Variants in PCDHGA1 observed in about 807,000 individuals in gnomAD.
The protein encoded by PCDHGA1 is protocadherin gamma-A1.
A neutral mutation model predicts 58.0 loss-of-function variants in PCDHGA1; 32 were observed. That is an observed-to-expected ratio of 0.55 (90% confidence interval 0.42 to 0.74). The LOEUF (loss-of-function observed/expected upper bound fraction) is 0.74, where lower values mean the gene tolerates loss of function less well. Among genes scored for constraint, PCDHGA1 ranks in the 30% least tolerant of loss-of-function variants. The pLI is 0.00. For synonymous variants in PCDHGA1, 498 were observed against 501.1 expected (o/e 0.99, Z 0.08); for missense variants, 1,205 against 1,182.3 (o/e 1.02, Z -0.28).
intron 1 of PCDHGA1, among the ~76,000 whole-genome samples, chr5:141,373,754 ATAT>A (rs1224910859): frequency 6.6e-6 from 1 of 152,230 alleles, no homozygotes; most frequent in Non-Finnish European, 1.5e-5. Context: ...GGGGAGGGAA[ATAT>A]TATGAGTGTC....
chr5:141,354,985 C>A (rs949539037), intron 1 of PCDHGA1: 5 of 604,640 alleles, frequency 8.3e-6, no homozygotes, highest in Non-Finnish European at 1.3e-5. Flanking sequence ...TCGCTGTTCA[C>A]CAATCAGGGG....
intron 1 of PCDHGA1, among the ~76,000 whole-genome samples, chr5:141,458,829 C>T (rs2098954599): frequency 6.6e-6 from 1 of 152,108 alleles, no homozygotes; most frequent in Non-Finnish European, 1.5e-5. Context: ...GCCTCCCAGG[C>T]TCAAGTGATC....
At chr5:141,389,596 C>T (rs768865727) in intron 1 of PCDHGA1, 2 of 1,613,132 alleles carry the variant, frequency 1.2e-6, no homozygotes, top group Non-Finnish European at 1.7e-6. Context: ...GACGGCTCTG[C>T]GCTCTTCGAT....
intron 1 of PCDHGA1, chr5:141,415,481 A>G: frequency 1.9e-6 from 3 of 1,614,114 alleles, no homozygotes; most frequent in Non-Finnish European, 1.7e-6. Flanking sequence ...GACTCGCGAA[A>G]GAGTCACCTG....
chr5:141,353,507 A>C (rs1448404688), intron 1 of PCDHGA1, among the ~76,000 whole-genome samples: 1 of 152,208 alleles, frequency 6.6e-6, no homozygotes, highest in Non-Finnish European at 1.5e-5. Flanking sequence ...CACAAGTAGC[A>C]AATATTGTCC....
chr5:141,374,352 T>C lies in PCDHGA1; in HGVS notation c.2421+41247T>C, dbSNP rs1288920388. The C allele has an allele frequency of 4.3e-6, 7 of 1,614,010 alleles. No homozygotes were observed. The Admixed American group carries it at 5.0e-5, about 12-fold the overall frequency. On this transcript the variant is annotated intron_variant, in intron 1 of 3. Transcript: ENST00000517417. ...GGCAGCTTGGTCACCGCGGGTAGGA[T>C]AGACCGCGAGGAGCTCTGTGCTCAG...
intron 1 of PCDHGA1, chr5:141,422,354 A>G: frequency 6.4e-7 from 1 of 1,557,090 alleles, no homozygotes; most frequent in Non-Finnish European, 8.6e-7. Flanking sequence ...CAAGATCAAG[A>G]TTCTGGAGAA....
intron 1 of PCDHGA1, chr5:141,388,246 TGGA>T: frequency 6.2e-7 from 1 of 1,609,740 alleles, no homozygotes; most frequent in East Asian, 2.2e-5. Context: ...CACGTGAATG[TGGA>T]GATCGAGGAC....
intron 1 of PCDHGA1, chr5:141,416,492 A>G (rs183273356): frequency 1.4e-4 from 22 of 152,306 alleles, no homozygotes; most frequent in Admixed American, 1.4e-3. Flanking sequence ...AACAGGAGCA[A>G]GAGATATATG....
chr5:141,427,260 AC>A (rs1388196814), intron 1 of PCDHGA1: 1 of 456,770 alleles, frequency 2.2e-6, no homozygotes, highest in Admixed American at 2.3e-5. Flanking sequence ...TGGAGGCATG[AC>A]CAGCGAATGT....
At chr5:141,500,568 T>C (rs1562196424) in intron 2 of PCDHGA1, among the ~76,000 whole-genome samples, 2 of 152,190 alleles carry the variant, frequency 1.3e-5, no homozygotes, top group Admixed American at 6.5e-5. Context: ...CTTGTCACAC[T>C]TTCATGTGAC....
chr5:141,482,000 G>A (rs1421859839), intron 1 of PCDHGA1, among the ~76,000 whole-genome samples: 8 of 150,854 alleles, frequency 5.3e-5, no homozygotes, highest in East Asian at 1.9e-4. Flanking sequence ...CAGGAGAATC[G>A]CTTTATCTCA....
chr5:141,475,080 C>T (rs963278755), intron 1 of PCDHGA1, among the ~76,000 whole-genome samples: 3 of 152,128 alleles, frequency 2.0e-5, no homozygotes, highest in South Asian at 4.1e-4. Flanking sequence ...GCCATTATTT[C>T]AATAATTTTA....
In PCDHGA1 at chr5:141,352,624, T is replaced by A. The variant is rs763883175; in HGVS notation, c.2421+19519T>A. 3.1e-6 allele frequency: 5 copies of A among 1,612,368 alleles called. No homozygotes were observed. In the Admixed American group the frequency reaches 5.0e-5, roughly 16 times the overall value. The stretch of plus-strand genomic sequence containing the variant: ...ATCCTTCTATGGTTGTATGTGCCAG[T>A]AATGAAGATCACAAAATCGCTTATG... On this transcript the variant is annotated intron_variant, in intron 1 of 3. Transcript: ENST00000517417.
At chr5:141,471,114 T>A (rs1210058743) in intron 1 of PCDHGA1, among the ~76,000 whole-genome samples, 1 of 150,256 alleles carries the variant, frequency 6.7e-6, no homozygotes, top group Non-Finnish European at 1.5e-5. Context: ...AGTGGTGCGA[T>A]CTTACCTTCA....
rs759346998 is a variant in PCDHGA1 at position 141,410,849 on chromosome 5, C to CTTTTTTTTTTTTT, written c.2421+77754_2421+77766dup. 1.9e-3 allele frequency: 267 copies of CTTTTTTTTTTTTT among 138,158 alleles called. 27 individuals carry two copies. The highest frequency in any genetic ancestry group is 5.5e-3 in the African/African-American group (91 of 16,622). 8.6% of individuals were successfully genotyped at this position (138,158 alleles called of 1,614,324 possible). A position where few individuals can be genotyped will look rare whatever the true frequency, so the allele number is the denominator to read the frequency against. ...CAGACTGAAGATATTTTGTCTTTGT[C>CTTTTTTTTTTTTT]TTTTTTTTTTTTTTTTTTTTTTGAG... On this transcript the variant is annotated intron_variant, in intron 1 of 3. Coordinates refer to ENST00000517417, the MANE Select transcript of PCDHGA1 (RefSeq NM_018912.3).
intron 1 of PCDHGA1, chr5:141,400,528 A>T (rs764084750): frequency 1.9e-6 from 3 of 1,613,868 alleles, no homozygotes; most frequent in Non-Finnish European, 2.5e-6. Context: ...TGAGTTGGTG[A>T]GTTTCATTTA....
intron 1 of PCDHGA1, chr5:141,428,224 G>A (rs1232582892): frequency 1.7e-6 from 2 of 1,164,198 alleles, no homozygotes; most frequent in Non-Finnish European, 1.3e-6. Flanking sequence ...AGTCTTCGCA[G>A]ACAGCCTGCA....
At position 141,487,219 on chromosome 5, in the gene PCDHGA1, A is replaced by G. The variant is rs750819958; in HGVS notation, c.2422-7588A>G. ...CAGATCTTCGAGAATCTTCAGCTCC[A>G]AGGGAAGGAGAATCTCGTCTAACCC... On this transcript the variant is annotated intron_variant, in intron 1 of 3. Transcript: ENST00000517417. This position sits in a 1 kb window ranked among gnomAD's most constrained non-coding sequence, Gnocchi z 5.0. The G allele has an allele frequency of 1.2e-6, 2 of 1,613,952 alleles. No individual in the cohort carries two copies. The highest frequency in any genetic ancestry group is 3.3e-5 in the Admixed American group (2 of 60,020).
Sources: allele counts gnomAD v4.1 joint callset (sites outside exome capture counted in the v4.1 genomes callset), GRCh38; gene constraint gnomAD v4.1.1; non-coding constraint Gnocchi (gnomAD v3.1); transcripts MANE v1.5; gene names NCBI Gene and HGNC (gene_info 2026-07-23, HGNC 2026-07-21).